Variants in PRELID2 observed in about 807,000 individuals in gnomAD.
PRELID2 encodes the protein PRELI domain containing 2.
PRELID2 carries 25 observed loss-of-function variants against 28.4 expected under a neutral mutation model. That is an observed-to-expected ratio of 0.88 (90% confidence interval 0.64 to 1.23). The LOEUF is 1.23. Among genes scored for constraint, PRELID2 ranks in the 50% most tolerant of loss-of-function variants. The pLI, the probability that PRELID2 is intolerant of heterozygous loss-of-function variation, is 0.00. For synonymous variants in PRELID2, 76 were observed against 71.6 expected (o/e 1.06, Z -0.31); for missense variants, 201 against 214.4 (o/e 0.94, Z 0.39).
intron 1 of PRELID2, among the ~76,000 whole-genome samples, chr5:145,693,556 G>C (rs950961330): frequency 6.6e-6 from 1 of 152,056 alleles, no homozygotes; most frequent in Admixed American, 6.6e-5. Context: ...ACCACTTGAG[G>C]CCAGGAATTT....
At chr5:145,251,598 T>C in the PRELID2 span, among the ~76,000 whole-genome samples, 2 of 152,128 alleles carry the variant, frequency 1.3e-5, no homozygotes, top group Non-Finnish European at 2.9e-5. Context: ...GTAACATCTC[T>C]ATATGGGATC....
chr5:145,791,101 A>G (rs552599076), intron 5 of PRELID2, among the ~76,000 whole-genome samples: 4 of 152,234 alleles, frequency 2.6e-5, no homozygotes, highest in Admixed American at 1.3e-4. Flanking sequence ...TAATTGACTC[A>G]CAGTTCCACA....
the PRELID2 span, among the ~76,000 whole-genome samples, chr5:145,332,963 C>T: frequency 6.6e-6 from 1 of 152,066 alleles, no homozygotes; most frequent in Non-Finnish European, 1.5e-5. Flanking sequence ...TATGGACGTC[C>T]TTTTTGTTGA....
chr5:145,412,262 A>G, the PRELID2 span, among the ~76,000 whole-genome samples: 1 of 152,112 alleles, frequency 6.6e-6, no homozygotes, highest in Admixed American at 6.5e-5. Flanking sequence ...CCAAATTTTT[A>G]TGCTATATCA....
At chr5:145,434,560 T>C in the PRELID2 span, among the ~76,000 whole-genome samples, 1 of 152,036 alleles carries the variant, frequency 6.6e-6, no homozygotes, top group South Asian at 2.1e-4. Flanking sequence ...GATTAATGAG[T>C]TCATTCTCTT....
the PRELID2 span, among the ~76,000 whole-genome samples, chr5:145,301,120 G>A: frequency 6.6e-6 from 1 of 152,004 alleles, no homozygotes; most frequent in Non-Finnish European, 1.5e-5. Context: ...AGCAACATTT[G>A]TGAGGTTCAG....
chr5:145,713,927 A>G (rs1472416049), intron 1 of PRELID2, among the ~76,000 whole-genome samples: 1 of 151,646 alleles, frequency 6.6e-6, no homozygotes, highest in Non-Finnish European at 1.5e-5. Flanking sequence ...TGTGTTCTAT[A>G]TTCAGTGAAA....
At chr5:145,694,959 G>C (rs976602804) in intron 1 of PRELID2, among the ~76,000 whole-genome samples, 2 of 152,118 alleles carry the variant, frequency 1.3e-5, no homozygotes, top group African/African-American at 4.8e-5. Context: ...ACAAATACAA[G>C]TATTCCATCA....
chr5:145,366,322 G>A, the PRELID2 span, among the ~76,000 whole-genome samples: 10 of 151,762 alleles, frequency 6.6e-5, no homozygotes, highest in South Asian at 1.0e-3. Context: ...TTGCATGCAC[G>A]TTTATACCTT....
intron 1 of PRELID2, among the ~76,000 whole-genome samples, chr5:145,655,916 A>T (rs1244941685): frequency 6.6e-6 from 1 of 152,252 alleles, no homozygotes; most frequent in Non-Finnish European, 1.5e-5. Context: ...TAATTAAATT[A>T]AAGAGCTTCT....
chr5:145,423,167 C>T, the PRELID2 span, among the ~76,000 whole-genome samples: 1 of 152,004 alleles, frequency 6.6e-6, no homozygotes, highest in Non-Finnish European at 1.5e-5. Flanking sequence ...CTGCCCTTAA[C>T]ATTTTTTCCT....
At chr5:145,298,261 C>G in the PRELID2 span, among the ~76,000 whole-genome samples, 2 of 152,046 alleles carry the variant, frequency 1.3e-5, no homozygotes, top group Admixed American at 1.3e-4. Context: ...GGTACTGGTA[C>G]CAAAACAGAG....
intron 1 of PRELID2, among the ~76,000 whole-genome samples, chr5:145,637,385 C>T (rs972022868): frequency 2.0e-5 from 3 of 152,160 alleles, no homozygotes; most frequent in Non-Finnish European, 2.9e-5. Flanking sequence ...GAAATGAACA[C>T]AGGTACCTCT....
intron 1 of PRELID2, among the ~76,000 whole-genome samples, chr5:145,530,378 A>G (rs1752644267): frequency 6.6e-6 from 1 of 152,174 alleles, no homozygotes. Context: ...TGAGAAAAGT[A>G]TAACACCTTG....
the PRELID2 span, chr5:145,230,119 T>G: frequency 1.8e-6 from 1 of 563,454 alleles, no homozygotes; most frequent in Non-Finnish European, 3.3e-6. Context: ...AGGTGCTAAT[T>G]GTTGTGATAA....
chr5:145,546,011 C>T (rs995273112), intron 1 of PRELID2, among the ~76,000 whole-genome samples: 7 of 152,138 alleles, frequency 4.6e-5, no homozygotes, highest in Middle Eastern at 3.4e-3. Flanking sequence ...AAATAAGGTC[C>T]ATTAGAACAG....
At chr5:145,412,788 T>G in the PRELID2 span, among the ~76,000 whole-genome samples, 27 of 152,268 alleles carry the variant, frequency 1.8e-4, no homozygotes, top group African/African-American at 6.5e-4. Context: ...AGGAAAGACA[T>G]TCAATTGACA....
chr5:145,661,073 A>C (rs1754484354), intron 1 of PRELID2, among the ~76,000 whole-genome samples: 1 of 152,200 alleles, frequency 6.6e-6, no homozygotes. Flanking sequence ...ATGAGGTAAA[A>C]TAGCAGGTGC....
the PRELID2 span, among the ~76,000 whole-genome samples, chr5:145,334,771 G>GTTTT: frequency 1.5e-5 from 2 of 134,992 alleles, no homozygotes; most frequent in Non-Finnish European, 3.2e-5. Flanking sequence ...TTGTTTGTCA[G>GTTTT]TTTTTTTTTT....
Sources: allele counts gnomAD v4.1 joint callset (sites outside exome capture counted in the v4.1 genomes callset), GRCh38; gene constraint gnomAD v4.1.1; transcripts MANE v1.5; gene names NCBI Gene and HGNC (gene_info 2026-07-23, HGNC 2026-07-21).